The following LRP1 variants were observed in gnomAD, a reference collection of about 807,000 sequenced individuals.
The protein encoded by LRP1 is LDL receptor related protein 1, also known as prolow-density lipoprotein receptor-related protein 1.
LRP1 carries 51 observed loss-of-function variants against 541.5 expected under a neutral mutation model. The observed-to-expected ratio is 0.09, with a 90% CI of 0.08 to 0.12. The LOEUF (loss-of-function observed/expected upper bound fraction) is 0.12. Ranked by LOEUF, LRP1 falls within the 10% of genes least tolerant of loss-of-function variation. LRP1 has a pLI of 1.00. For missense variants in LRP1, 3,878 were observed against 6,376.2 expected (o/e 0.61, Z 13.34); for synonymous variants, 2,219 against 2,470.8 (o/e 0.90, Z 3.02).
rs774410927 is a variant in LRP1, at chr12:57,210,868, G to A, written c.12905G>A (p.Arg4302His). The A allele has an allele frequency of 8.7e-6, 14 of 1,611,768 alleles. No individual in the cohort carries two copies. Among genetic ancestry groups the A allele is most frequent in the East Asian group, 2.2e-5 (1 of 44,806 alleles). Residue 4302 changes from arginine (R) to histidine (H), a missense_variant, in exon 83 of 89, where the codon CGC becomes CAC. Coordinates refer to ENST00000243077, the MANE Select transcript of LRP1 (RefSeq NM_002332.3). ...CRCLPGFLGD[R>H]CQYRQCSGYC... ...TGCCTACCCGGCTTCCTGGGCGACC[G>A]CTGCCAGTACCGTGAGTGAGCCATC...
intron 1 of LRP1, among the ~76,000 whole-genome samples, chr12:57,133,973 C>T (rs1378004861): frequency 1.3e-5 from 2 of 152,138 alleles, no homozygotes; most frequent in East Asian, 3.9e-4. Context: ...CCCACTTCCC[C>T]ACCCCCAAGG....
rs555287872 is a variant in LRP1, at chr12:57,158,053, G to T, written c.1562-349G>T. On this transcript the variant is annotated intron_variant, in intron 10 of 88. Transcript: ENST00000243077. This position sits in a 1 kb window ranked among gnomAD's most constrained non-coding sequence, Gnocchi z 5.3. The stretch of plus-strand genomic sequence containing the variant: ...AAGTGATGTGGTTTACACTAGGATG[G>T]CAGCAGAGGAAGTGGTAAACAGTGA... Among the ~76,000 whole-genome samples the T allele has an allele frequency of 6.6e-6, 1 of 152,304 alleles. No individual in the cohort carries two copies. The highest frequency in any genetic ancestry group is 2.4e-5 in the African/African-American group (1 of 41,556).
At chr12:57,200,193 C>T in intron 62 of LRP1, 168 bp downstream of exon 62, 1 of 649,952 alleles carries the variant, frequency 1.5e-6, no homozygotes, top group Non-Finnish European at 2.7e-6. Context: ...AATACTTTTA[C>T]CCCCGTCACC....
Position 57,138,475 on chromosome 12 carries a change from C to T in LRP1, c.84C>T (p.Ser28=), listed in dbSNP as rs2035219098. ...TTGCCCTAGCCCCTAAGACTTGCAG[C>T]CCCAAGCAGTTTGCCTGCAGAGATC... ...AAAIDAPKTC[S]PKQFACRDQI... is the part of the protein sequence containing the mutation. The change falls in exon 2 of 89, where the codon AGC becomes AGT. Residue 28 remains serine (S), a synonymous_variant. Coordinates refer to ENST00000243077, the MANE Select transcript of LRP1 (RefSeq NM_002332.3). The T allele has an allele frequency of 6.2e-7, 1 of 1,613,814 alleles. No homozygotes were observed. The highest frequency in any genetic ancestry group is 1.3e-5 in the African/African-American group (1 of 74,890).
rs775726989 is a variant in LRP1, at chr12:57,178,120, C to G, written c.4362-239C>G. 2.0e-5 allele frequency among the ~76,000 whole-genome samples: 3 copies of G among 152,034 alleles called. No individual in the cohort carries two copies. Among genetic ancestry groups the G allele is most frequent in the Admixed American group, 6.6e-5 (1 of 15,260 alleles). Reference sequence around the variant, plus strand: ...GACAGCAGCCCTGGGGAGAAGTGACCGAAAGATTCCCTTGGGGCTTGGGAA... The same window carrying G: ...GACAGCAGCCCTGGGGAGAAGTGACGGAAAGATTCCCTTGGGGCTTGGGAA... On this transcript the variant is annotated intron_variant, in intron 26 of 88. Coordinates refer to ENST00000243077, the MANE Select transcript of LRP1 (RefSeq NM_002332.3). The surrounding 1 kb of genome is among the most constrained non-coding windows in gnomAD (Gnocchi z 5.8).
At chr12:57,208,989 C>G in intron 78 of LRP1, 94 bp from the exon 79 acceptor site, 1 of 1,147,646 alleles carries the variant, frequency 8.7e-7, no homozygotes, top group Middle Eastern at 2.4e-4. Context: ...GGCGTATGAA[C>G]AGGGTGGAGC....
Position 57,161,919 on chromosome 12 carries a change from C to T in LRP1, c.2203-398C>T, listed in dbSNP as rs1592621060. ...TACTACAGCTCAGCCCCTAACAGAT[C>T]CTGGTAAATGTTGAAGAAATGAATG... On this transcript the variant is annotated intron_variant, in intron 13 of 88. Coordinates refer to ENST00000243077, the MANE Select transcript of LRP1 (RefSeq NM_002332.3). Among the ~76,000 whole-genome samples, 3 of 152,212 alleles carry T rather than the reference C, an allele frequency of 2.0e-5. No individual in the cohort carries two copies. The South Asian group carries it at 6.2e-4, about 32-fold the overall frequency.
chr12:57,146,622 CCCTCACT>C (rs1384178157), intron 6 of LRP1: 1 of 152,224 alleles, frequency 6.6e-6, no homozygotes, highest in Non-Finnish European at 1.5e-5. Context: ...CCTCTGAGAG[CCCTCACT>C]CTCCGTGGCC....
In LRP1 at chr12:57,160,876, C is replaced by A. The variant is rs1357714859; in HGVS notation, c.1980-17C>A. 1 of 1,606,368 alleles carries A rather than the reference C, an allele frequency of 6.2e-7. No homozygotes were observed. The highest frequency in any genetic ancestry group is 1.3e-5 in the African/African-American group (1 of 74,888). On this transcript the variant is annotated splice_polypyrimidine_tract_variant and intron_variant, in intron 12 of 88. Coordinates refer to ENST00000243077, the MANE Select transcript of LRP1 (RefSeq NM_002332.3). ...GGCGGGGGTGCCCAGGTGATGCTGA[C>A]CAGTCGCTGCCCACAGGTGGATGTA...
chr12:57,196,880 A>T, intron 55 of LRP1, 102 bp from the exon 56 acceptor site: 1 of 1,024,692 alleles, frequency 9.8e-7, no homozygotes, highest in Non-Finnish European at 1.4e-6. Context: ...TGCTGCCCCT[A>T]GTGAGGCCGG....
At chr12:57,207,973 T>C in intron 76 of LRP1, 65 bp from the exon 77 acceptor site, 1 of 1,555,514 alleles carries the variant, frequency 6.4e-7, no homozygotes, top group East Asian at 2.3e-5. Flanking sequence ...GCTGGCAGAG[T>C]GGTGGCGGGG....
intron 58 of LRP1, 82 bp from the exon 59 acceptor site, chr12:57,198,074 G>A (rs960606682): frequency 1.9e-5 from 23 of 1,234,008 alleles, no homozygotes; most frequent in African/African-American, 6.0e-5. Flanking sequence ...CATTTTACAC[G>A]AGGGGAGGCT....
At chr12:57,200,620 C>G in intron 63 of LRP1, 79 bp from the exon 64 acceptor site, 1 of 1,543,846 alleles carries the variant, frequency 6.5e-7, no homozygotes. Flanking sequence ...ACTGGAGAGG[C>G]TGGGGCTGTG....
At chr12:57,139,147 G>C (rs1224888198) in intron 2 of LRP1, among the ~76,000 whole-genome samples, 1 of 152,212 alleles carries the variant, frequency 6.6e-6, no homozygotes, top group Non-Finnish European at 1.5e-5. Flanking sequence ...TGGAGAACTT[G>C]TTGGTGGGAC....
rs780875287 is a variant in LRP1, at chr12:57,177,292, G to A, written c.4196+47G>A. On this transcript the variant is annotated intron_variant, in intron 25 of 88. Coordinates refer to ENST00000243077, the MANE Select transcript of LRP1 (RefSeq NM_002332.3). This position sits in a 1 kb window ranked among gnomAD's most constrained non-coding sequence, Gnocchi z 6.8. Reference sequence around the variant, plus strand: ...CTCCTGGCCCCATGGCCCCCCTGAAGTCCCATTCAGCCTGGCCAGGGACAC... The same window carrying A: ...CTCCTGGCCCCATGGCCCCCCTGAAATCCCATTCAGCCTGGCCAGGGACAC... 1.6e-5 allele frequency: 25 copies of A among 1,602,162 alleles called. No individual in the cohort carries two copies. The highest frequency in any genetic ancestry group is 2.0e-5 in the Non-Finnish European group (23 of 1,171,130).
intron 1 of LRP1, among the ~76,000 whole-genome samples, chr12:57,138,043 C>T (rs2035210387): frequency 6.6e-6 from 1 of 152,076 alleles, no homozygotes; most frequent in Non-Finnish European, 1.5e-5. Flanking sequence ...ATAAGACCAG[C>T]TCGGGGCCTC....
chr12:57,191,616 C>T (rs1018918495), intron 44 of LRP1, 104 bp downstream of exon 44: 392 of 973,508 alleles, frequency 4.0e-4, no homozygotes, highest in Non-Finnish European at 5.3e-4. Flanking sequence ...GCACCCTACA[C>T]ATACCACACA....
chr12:57,174,069 G>A (rs1433552118), intron 22 of LRP1, 89 bp downstream of exon 22: 16 of 1,365,866 alleles, frequency 1.2e-5, no homozygotes, highest in Non-Finnish European at 1.6e-5. Flanking sequence ...GAGTCTAGGA[G>A]AGAGCAGCTC....
intron 19 of LRP1, 110 bp downstream of exon 19, chr12:57,167,634 A>T: frequency 1.2e-6 from 1 of 848,798 alleles, no homozygotes; most frequent in South Asian, 1.4e-5. Flanking sequence ...TCCCTCCAGG[A>T]CACTGAATCC....
Sources: gnomAD v4.1 joint callset for allele counts (sites outside exome capture counted in the v4.1 genomes callset) on GRCh38, gnomAD v4.1.1 for gene constraint, Gnocchi (gnomAD v3.1) non-coding constraint, MANE v1.5 for transcripts, NCBI Gene and HGNC (gene_info 2026-07-23, HGNC 2026-07-21) for gene names.